The following ARHGAP11A variants were observed in gnomAD, a reference collection of about 807,000 sequenced individuals.
ARHGAP11A encodes the protein rho GTPase-activating protein 11A.
ARHGAP11A carries 36 observed loss-of-function variants against 60.5 expected under a neutral mutation model. The observed-to-expected ratio is 0.59, with a 90% CI of 0.46 to 0.79. The LOEUF is 0.79. ARHGAP11A is among the 30% of genes least tolerant of loss of function. The pLI is 0.00. For synonymous variants in ARHGAP11A, 362 were observed against 415.5 expected, an observed-to-expected ratio of 0.87 and a Z score of 1.57; for missense variants, 1,071 against 1,199.2, an observed-to-expected ratio of 0.89 and a Z score of 1.58.
intron 9 of ARHGAP11A, 119 bp downstream of exon 9, chr15:32,633,227 T>G: frequency 6.9e-6 from 8 of 1,158,396 alleles, no homozygotes; most frequent in Non-Finnish European, 9.7e-6. Flanking sequence ...TAAAATCCCT[T>G]CTGCCTTTAT....
In ARHGAP11A at chr15:32,632,515, G is replaced by A. The variant is rs191944591; in HGVS notation, c.1106-464G>A. ...TCAGATTCCAACTTGTTTGCCAATA[G>A]CTTATTTTTTATAATACCATTAATT... On this transcript the variant is annotated intron_variant, in intron 8 of 11. Transcript: ENST00000361627. 2.3e-3 allele frequency among the ~76,000 whole-genome samples: 350 copies of A among 152,182 alleles called. 4 individuals are homozygous for A. The highest frequency in any genetic ancestry group is 0.02 in the Admixed American group (299 of 15,288).
intron 11 of ARHGAP11A, 67 bp from the exon 12 acceptor site, chr15:32,636,190 G>A (rs746887446): frequency 1.4e-5 from 21 of 1,492,152 alleles, no homozygotes; most frequent in Non-Finnish European, 1.9e-5. Context: ...TATTTGCCAT[G>A]TGCTTGGGTA....
rs757869396 is a variant in ARHGAP11A at position 32,637,738 on chromosome 15, G to A, written c.2965G>A (p.Val989Ile). 1.9e-6 allele frequency: 3 copies of A among 1,614,150 alleles called. No homozygotes were observed. Among genetic ancestry groups the A allele is most frequent in the Non-Finnish European group, 2.5e-6 (3 of 1,180,030 alleles). The change falls in exon 12 of 12, where the codon GTC becomes ATC. Residue 989 changes from valine (V) to isoleucine (I), a missense_variant. By Grantham distance (29) the Val-to-Ile change is conservative (BLOSUM62 3). This residue lies in a region of ARHGAP11A where 776 missense variants were observed against 760.2 expected (regional missense o/e 1.02). Transcript: ENST00000361627. ...MGISSGINNR[V>I]LRRPSERGRA... is the part of the protein sequence containing the mutation. Reference sequence around the variant, plus strand: ...CATTTCTTCTGGGATAAATAACAGGGTCCTTAGGAGACCATCAGAAAGAGG... The same window carrying A: ...CATTTCTTCTGGGATAAATAACAGGATCCTTAGGAGACCATCAGAAAGAGG...
intron 8 of ARHGAP11A, among the ~76,000 whole-genome samples, chr15:32,630,679 G>T (rs181618708): frequency 6.6e-6 from 1 of 151,898 alleles, no homozygotes; most frequent in Non-Finnish European, 1.5e-5. Context: ...TGTCCAAAAG[G>T]GTTCTTATTT....
chr15:32,636,500 A>G lies in ARHGAP11A; in HGVS notation c.1727A>G (p.Asn576Ser), dbSNP rs112715874. 2.5e-6 allele frequency: 4 copies of G among 1,614,060 alleles called. No homozygotes were observed. The East Asian group carries it at 6.7e-5, about 27-fold the overall frequency. ...LTPSNLNNKHNSNITSSPLSG... is the reference protein window; with the variant it reads ...LTPSNLNNKHSSNITSSPLSG... ...CCTTCCAATTTAAACAATAAGCATAATAGCAACATAACAAGTAGCCCTCTT... is the reference window on the plus strand; with the variant it reads ...CCTTCCAATTTAAACAATAAGCATAGTAGCAACATAACAAGTAGCCCTCTT... The change falls in exon 12 of 12, where the codon AAT becomes AGT. Residue 576 changes from asparagine (N) to serine (S), a missense_variant. Transcript: ENST00000361627.
intron 8 of ARHGAP11A, among the ~76,000 whole-genome samples, chr15:32,631,673 C>T (rs1333630594): frequency 2.6e-5 from 4 of 152,206 alleles, no homozygotes; most frequent in African/African-American, 4.8e-5. Context: ...ACCATTGACA[C>T]ATTTTTTATT....
rs115031896 is a variant in ARHGAP11A, at chr15:32,636,434, T to C, written c.1661T>C (p.Ile554Thr). The C allele has an allele frequency of 9.0e-5, 145 of 1,614,012 alleles. No homozygotes were observed. In the African/African-American group the frequency reaches 1.6e-3, roughly 18 times the overall value. Residue 554 changes from isoleucine (I) to threonine (T), a missense_variant, in exon 12 of 12, where the codon ATT becomes ACT. Coordinates refer to ENST00000361627, the MANE Select transcript of ARHGAP11A (RefSeq NM_014783.6). ...GTAGAAAACTCTTTGGAGCCTGATA[T>C]TATGGTAGAAAAGTCACCTGCTACT... ...LEVENSLEPD[I>T]MVEKSPATSC...
At chr15:32,624,455 T>C (rs113622724) in intron 4 of ARHGAP11A, 29 bp downstream of exon 4, 1 of 1,595,016 alleles carries the variant, frequency 6.3e-7, no homozygotes, top group Non-Finnish European at 8.5e-7. Flanking sequence ...TCTTGGCAAA[T>C]AATAGTTGAA....
Position 32,635,906 on chromosome 15 carries a change from C to T in ARHGAP11A, c.1474C>T (p.Pro492Ser). 1.2e-6 allele frequency: 2 copies of T among 1,607,588 alleles called. No individual in the cohort carries two copies. Among genetic ancestry groups the T allele is most frequent in the Non-Finnish European group, 1.7e-6 (2 of 1,177,874 alleles). The change falls in exon 11 of 12, where the codon CCA (proline) becomes TCA (serine). Residue 492 changes from proline to serine, a missense_variant. Pro to Ser is a moderately conservative substitution (Grantham distance 74, BLOSUM62 -1). Coordinates refer to ENST00000361627, the MANE Select transcript of ARHGAP11A (RefSeq NM_014783.6). ...LFSPDVDEKL[P>S]KKGSEKISKS... ...TAGCCCAGATGTTGATGAAAAGTTA[C>T]CAAAGAAAGGTACATTTACATACTA...
rs1034278760 is a variant in ARHGAP11A at position 32,624,234 on chromosome 15, T to A, written c.359T>A (p.Leu120His). ...SSAPPCDIAG[L>H]LKQFFRELPE... ...GCACCTCCTTGTGATATTGCGGGACTTCTTAAGCAGTTTTTTAGGGAACTG... is the reference window on the plus strand; with the variant it reads ...GCACCTCCTTGTGATATTGCGGGACATCTTAAGCAGTTTTTTAGGGAACTG... The change falls in exon 4 of 12, where the codon CTT becomes CAT. Residue 120 changes from leucine to histidine, a missense_variant. Coordinates refer to ENST00000361627, the MANE Select transcript of ARHGAP11A (RefSeq NM_014783.6). The A allele has an allele frequency of 9.3e-6, 15 of 1,612,726 alleles. No homozygotes were observed. In the Admixed American group the frequency reaches 2.0e-4, roughly 22 times the overall value.
Position 32,638,214 on chromosome 15 carries a change from C to T in ARHGAP11A, c.*369C>T, listed in dbSNP as rs1025312179. 1 of 170,396 alleles carries T rather than the reference C, an allele frequency of 5.9e-6. No homozygotes were observed. The highest frequency in any genetic ancestry group is 1.2e-5 in the Non-Finnish European group (1 of 80,452). 10.6% of individuals were successfully genotyped at this position (170,396 alleles called of 1,614,324 possible). ...TCAGCCTCCCGAGTAGCTGGGACTA[C>T]AGGTGCCCGCCACCACGCCCAGCTA... On this transcript the variant is annotated 3_prime_UTR_variant, in exon 12 of 12. Coordinates refer to ENST00000361627, the MANE Select transcript of ARHGAP11A (RefSeq NM_014783.6).
rs1269834695 is a variant in ARHGAP11A, at chr15:32,636,349, A to T, written c.1576A>T (p.Asn526Tyr). 1.7e-5 allele frequency: 27 copies of T among 1,613,982 alleles called. No homozygotes were observed. The highest frequency in any genetic ancestry group is 2.1e-5 in the Non-Finnish European group (25 of 1,179,992). ...CCGGATGTCTTGGACAGGACCTAAT[A>T]ATTCAAGTTTTCAAGAAGTAGATGC... ...NYRMSWTGPN[N>Y]SSFQEVDANE... Residue 526 changes from asparagine to tyrosine, a missense_variant, in exon 12 of 12, where the codon AAT becomes TAT. This residue lies in a region of ARHGAP11A where 776 missense variants were observed against 760.2 expected (regional missense o/e 1.02). Transcript: ENST00000361627.
intron 2 of ARHGAP11A, among the ~76,000 whole-genome samples, chr15:32,620,782 A>T (rs1387387235): frequency 1.3e-5 from 2 of 152,096 alleles, no homozygotes; most frequent in Non-Finnish European, 2.9e-5. Context: ...TTAAAAAAAT[A>T]TTGGCCAGGC....
chr15:32,635,983 A>G (rs535517859), intron 11 of ARHGAP11A, 68 bp downstream of exon 11: 1 of 1,503,126 alleles, frequency 6.7e-7, no homozygotes, highest in South Asian at 1.4e-5. Flanking sequence ...TTAATGGCAA[A>G]ACATATTAAT....
Position 32,632,772 on chromosome 15 carries a change from A to T in ARHGAP11A, c.1106-207A>T, listed in dbSNP as rs2053613908. ...AAAGTAATGCTTAAGCTGACCTTTAATTGGCAAGTCAAAAGTAAAAAATGA... is the reference window on the plus strand; with the variant it reads ...AAAGTAATGCTTAAGCTGACCTTTATTTGGCAAGTCAAAAGTAAAAAATGA... On this transcript the variant is annotated intron_variant, in intron 8 of 11. Coordinates refer to ENST00000361627, the MANE Select transcript of ARHGAP11A (RefSeq NM_014783.6). 6 of 427,772 alleles carry T rather than the reference A, an allele frequency of 1.4e-5. No homozygotes were observed. The East Asian group carries it at 2.1e-4, about 15-fold the overall frequency. 26.5% of individuals were successfully genotyped at this position (427,772 alleles called of 1,614,324 possible).
intron 2 of ARHGAP11A, among the ~76,000 whole-genome samples, chr15:32,623,184 A>G (rs532835238): frequency 6.6e-6 from 1 of 151,274 alleles, no homozygotes; most frequent in Admixed American, 6.6e-5. Context: ...AGAGACTGAG[A>G]TATGAAGAAG....
At chr15:32,633,910 A>G (rs1206476094) in intron 9 of ARHGAP11A, 23 bp from the exon 10 acceptor site, 1 of 1,504,292 alleles carries the variant, frequency 6.6e-7, no homozygotes. Context: ...ATAAACTGAC[A>G]TTTTTAATTC....
Position 32,637,438 on chromosome 15 carries a change from A to G in ARHGAP11A, c.2665A>G (p.Lys889Glu), listed in dbSNP as rs373267657. The change falls in exon 12 of 12, where the codon AAA becomes GAA. Residue 889 changes from lysine to glutamate, a missense_variant. This residue lies in a region of ARHGAP11A where 776 missense variants were observed against 760.2 expected (regional missense o/e 1.02). Transcript: ENST00000361627. The part of the protein sequence containing the change: ...ALSSCIESAS[K>E]DSSVSCIKSG... ...TTCCTCTTGTATAGAAAGTGCATCA[A>G]AAGATTCCTCTGTTTCATGTATCAA... is the stretch of plus-strand genomic sequence containing the variant. 17 of 1,614,158 alleles carry G rather than the reference A, an allele frequency of 1.1e-5. No individual in the cohort carries two copies. The highest frequency in any genetic ancestry group is 1.4e-5 in the Non-Finnish European group (16 of 1,180,044).
intron 8 of ARHGAP11A, among the ~76,000 whole-genome samples, chr15:32,632,486 A>G (rs2053606847): frequency 6.6e-6 from 1 of 152,212 alleles, no homozygotes; most frequent in African/African-American, 2.4e-5. Context: ...TATATCTCAA[A>G]TACTCAGATT....
Sources: allele counts gnomAD v4.1 joint callset (sites outside exome capture counted in the v4.1 genomes callset), GRCh38; gene constraint gnomAD v4.1.1; regional missense constraint gnomAD v4.1.1; transcripts MANE v1.5; gene names NCBI Gene and HGNC (gene_info 2026-07-23, HGNC 2026-07-21).